CCDC178: variants seen among roughly 807,000 people sequenced by gnomAD.
CCDC178 encodes coiled-coil domain containing 178.
Under a neutral mutation model 117.4 loss-of-function variants are expected in CCDC178, and 126 were observed. The observed-to-expected ratio is 1.07, with a 90% CI of 0.93 to 1.24. The LOEUF is 1.24. Ranked by LOEUF, CCDC178 falls within the 50% of genes most tolerant of loss-of-function variation. The pLI is 0.00. For synonymous variants in CCDC178, 283 were observed against 313.4 expected, an observed-to-expected ratio of 0.90 and a Z score of 1.02; for missense variants, 1,030 against 986.9, an observed-to-expected ratio of 1.04 and a Z score of -0.59.
intron 20 of CCDC178, among the ~76,000 whole-genome samples, chr18:33,191,173 G>T (rs2058853409): frequency 2.0e-5 from 3 of 151,962 alleles, no homozygotes; most frequent in Admixed American, 6.5e-5. Flanking sequence ...CCTCAAGTTT[G>T]GGTTGGATGC....
chr18:33,007,925 G>A lies in CCDC178; in HGVS notation c.2389-33244C>T, dbSNP rs543381802. Among the ~76,000 whole-genome samples the A allele has an allele frequency of 1.6e-4, 25 of 152,264 alleles. No individual in the cohort carries two copies. The South Asian group carries it at 2.5e-3, about 15-fold the overall frequency. On this transcript the variant is annotated intron_variant, in intron 21 of 22. Coordinates refer to ENST00000383096, the MANE Select transcript of CCDC178 (RefSeq NM_001105528.4). ...ATCTATAATGGTAAACATTTGAATA[G>A]TGATAGTACATTTGCATGTCTGCAA... is the stretch of plus-strand genomic sequence containing the variant.
At chr18:33,386,264 T>A (rs528086683) in intron 5 of CCDC178, among the ~76,000 whole-genome samples, 53 of 152,290 alleles carry the variant, frequency 3.5e-4, no homozygotes, top group Admixed American at 9.8e-4. Flanking sequence ...TATAGCTGAA[T>A]TCTACCAGAG....
Position 32,998,230 on chromosome 18 carries a change from T to G in CCDC178, c.2389-23549A>C, listed in dbSNP as rs142242450. Among the ~76,000 whole-genome samples, 1,187 of 152,202 alleles carry G rather than the reference T, an allele frequency of 7.8e-3. 7 individuals carry two copies. The highest frequency in any genetic ancestry group is 0.017 in the African/African-American group (694 of 41,516). The stretch of plus-strand genomic sequence containing the variant: ...TCAGTGCTGCCCTATTGCAGAGGAA[T>G]GCAATACTGGGAAAGAACTCAGTGG... On this transcript the variant is annotated intron_variant, in intron 21 of 22. Transcript: ENST00000383096.
chr18:33,121,786 T>A (rs2144215044), intron 20 of CCDC178, among the ~76,000 whole-genome samples: 1 of 152,222 alleles, frequency 6.6e-6, no homozygotes, highest in South Asian at 2.1e-4. Context: ...GAGCATCAGA[T>A]GAGAAAAATA....
At position 33,425,238 on chromosome 18, in the gene CCDC178, C is replaced by G. The variant is rs9960038; in HGVS notation, c.-22-13128G>C. Among the ~76,000 whole-genome samples, 54 of 152,258 alleles carry G rather than the reference C, an allele frequency of 3.5e-4. 1 individual carries two copies. The highest frequency in any genetic ancestry group is 1.2e-3 in the African/African-American group (50 of 41,546). ...AGCAAACAGGAAACAGAGACAGGAT[C>G]TCAACCAAGGTCTGAAAACAGGAAT... On this transcript the variant is annotated intron_variant, in intron 2 of 22. Transcript: ENST00000383096.
chr18:32,938,209 C>G, intron 22 of CCDC178, 118 bp from the exon 23 acceptor site: 1 of 687,628 alleles, frequency 1.5e-6, no homozygotes, highest in Non-Finnish European at 2.6e-6. Flanking sequence ...ACGACAAACA[C>G]CATTACATTC....
chr18:33,277,105 C>A (rs2144806453), intron 12 of CCDC178, among the ~76,000 whole-genome samples: 1 of 151,944 alleles, frequency 6.6e-6, no homozygotes, highest in South Asian at 2.1e-4. Flanking sequence ...AAAGTATTAA[C>A]CAATGTAATC....
chr18:33,215,730 T>C, intron 18 of CCDC178, 35 bp from the exon 19 acceptor site: 4 of 1,401,090 alleles, frequency 2.9e-6, no homozygotes, highest in Non-Finnish European at 3.8e-6. Flanking sequence ...TTATTTTAAA[T>C]ACTTGGATTT....
intron 15 of CCDC178, among the ~76,000 whole-genome samples, chr18:33,229,143 G>T (rs1229620026): frequency 6.6e-6 from 1 of 152,160 alleles, no homozygotes; most frequent in Non-Finnish European, 1.5e-5. Context: ...AATGAAGCAG[G>T]ATTGGACAGA....
At chr18:33,376,310 C>T (rs1302064037) in intron 5 of CCDC178, among the ~76,000 whole-genome samples, 1 of 152,042 alleles carries the variant, frequency 6.6e-6, no homozygotes, top group East Asian at 1.9e-4. Flanking sequence ...AGGGGAGAGC[C>T]CTTTTTTGCC....
chr18:33,306,171 T>C (rs1327582872), intron 11 of CCDC178, among the ~76,000 whole-genome samples: 1 of 142,336 alleles, frequency 7.0e-6, no homozygotes, highest in Non-Finnish European at 1.5e-5. Flanking sequence ...AAAACTCATT[T>C]GAAATTGATG....
intron 8 of CCDC178, among the ~76,000 whole-genome samples, chr18:33,347,694 A>C (rs1024649829): frequency 6.6e-6 from 1 of 152,142 alleles, no homozygotes; most frequent in Non-Finnish European, 1.5e-5. Context: ...ATAAATTAAT[A>C]CCACTTATAA....
At chr18:32,975,739 A>T (rs2055016164) in intron 21 of CCDC178, among the ~76,000 whole-genome samples, 1 of 152,094 alleles carries the variant, frequency 6.6e-6, no homozygotes, top group African/African-American at 2.4e-5. Context: ...AGAATGAAAA[A>T]ACAAAATTCA....
At chr18:33,270,271 C>A (rs567795445) in intron 12 of CCDC178, among the ~76,000 whole-genome samples, 1 of 150,622 alleles carries the variant, frequency 6.6e-6, no homozygotes, top group East Asian at 2.0e-4. Context: ...AATATACATA[C>A]AAAAGTAAAA....
intron 5 of CCDC178, among the ~76,000 whole-genome samples, chr18:33,383,767 A>C (rs2063464293): frequency 6.6e-6 from 1 of 152,200 alleles, no homozygotes; most frequent in African/African-American, 2.4e-5. Context: ...AGCCAATGCA[A>C]AAACACTGAA....
intron 20 of CCDC178, among the ~76,000 whole-genome samples, chr18:33,145,493 C>T (rs528317398): frequency 2.7e-4 from 41 of 152,220 alleles, no homozygotes; most frequent in African/African-American, 9.6e-4. Context: ...GAAATGTTAT[C>T]TAGTTCATCA....
Position 33,215,658 on chromosome 18 carries a change from G to A in CCDC178, c.1970C>T (p.Thr657Ile). ...ATAAAAAATCATTGTCTTACTTTTA[G>A]TTGCTTCTAGGTCTTTAAAAATTGC... is the stretch of plus-strand genomic sequence containing the variant. The part of the protein sequence containing the change: ...RSAIFKDLEA[T>I]KSKTMIFYAK... Residue 657 changes from threonine to isoleucine, a missense_variant, in exon 19 of 23, where the codon ACT becomes ATT. Coordinates refer to ENST00000383096, the MANE Select transcript of CCDC178 (RefSeq NM_001105528.4). 1 of 1,524,188 alleles carries A rather than the reference G, an allele frequency of 6.6e-7. No individual in the cohort carries two copies. Among genetic ancestry groups the A allele is most frequent in the Non-Finnish European group, 8.7e-7 (1 of 1,143,064 alleles). The allele number at this position is 1,524,188 out of a possible 1,614,324, so 94.4% of individuals were successfully genotyped here.
chr18:33,194,167 T>C (rs2058897209), intron 20 of CCDC178, among the ~76,000 whole-genome samples: 1 of 152,252 alleles, frequency 6.6e-6, no homozygotes, highest in South Asian at 2.1e-4. Context: ...AACCTCTGTA[T>C]ATAGGAGCTA....
chr18:33,192,618 G>C (rs941355830), intron 20 of CCDC178, among the ~76,000 whole-genome samples: 3 of 152,118 alleles, frequency 2.0e-5, no homozygotes, highest in Non-Finnish European at 2.9e-5. Flanking sequence ...TCCTCTCTAT[G>C]GGCCCTGCGC....
Sources: gnomAD v4.1 joint callset for allele counts (sites outside exome capture counted in the v4.1 genomes callset) on GRCh38, gnomAD v4.1.1 for gene constraint, MANE v1.5 for transcripts, NCBI Gene and HGNC (gene_info 2026-07-23, HGNC 2026-07-21) for gene names.